The following DLGAP2 variants were observed in gnomAD, a reference collection of about 807,000 sequenced individuals.
DLGAP2 encodes disks large-associated protein 2.
In DLGAP2, 26 loss-of-function variants were observed where a neutral mutation model predicts 100.3. The ratio of observed to expected loss-of-function variants is 0.26; its 90% CI spans 0.19 to 0.36. The LOEUF is 0.36. Among genes scored for constraint, DLGAP2 ranks in the 10% least tolerant of loss-of-function variants. DLGAP2 has a pLI of 1.00. For missense variants in DLGAP2, 1,858 were observed against 1,453.2 expected (o/e 1.28, Z -4.53); for synonymous variants, 886 against 630.1 (o/e 1.41, Z -6.08).
At chr8:986,008 T>C (rs1231827141) in intron 2 of DLGAP2, among the ~76,000 whole-genome samples, 1 of 152,174 alleles carries the variant, frequency 6.6e-6, no homozygotes, top group African/African-American at 2.4e-5. Context: ...AAGAAGTTTC[T>C]GGAAACTCTT....
chr8:1,154,918 A>G (rs1796753775), intron 2 of DLGAP2, among the ~76,000 whole-genome samples: 1 of 152,182 alleles, frequency 6.6e-6, no homozygotes, highest in African/African-American at 2.4e-5. Context: ...GCCTACAGGA[A>G]CCATGTCTCT....
At position 1,164,127 on chromosome 8, in the gene DLGAP2, C is replaced by CGTTTTGGTTTGTGGGG. The variant is rs1563224059; in HGVS notation, c.74-94724_74-94723insGTTTTGGTTTGTGGGG. Among the ~76,000 whole-genome samples, 18 of 94,258 alleles carry CGTTTTGGTTTGTGGGG rather than the reference C, an allele frequency of 1.9e-4. 3 individuals carry two copies. The highest frequency in any genetic ancestry group is 2.9e-4 in the African/African-American group (7 of 24,196). 61.8% of individuals were successfully genotyped at this position (94,258 alleles called of 152,430 possible). ...TTTTCTGTGAGCCCGCAGGGCCCGT[C>CGTTTTGGTTTGTGGGG]ATTTTGGTTTGTGGGGATTTTTCTG... On this transcript the variant is annotated intron_variant, in intron 2 of 14. Coordinates refer to ENST00000637795, the MANE Select transcript of DLGAP2 (RefSeq NM_001346810.2).
chr8:951,055 A>C (rs1318642942), intron 2 of DLGAP2, among the ~76,000 whole-genome samples: 4 of 152,228 alleles, frequency 2.6e-5, no homozygotes, highest in Non-Finnish European at 5.9e-5. Flanking sequence ...AGACCATGTA[A>C]ATAGCATAAG....
At chr8:900,375 C>T (rs903825529) in intron 1 of DLGAP2, among the ~76,000 whole-genome samples, 9 of 149,526 alleles carry the variant, frequency 6.0e-5, no homozygotes, top group African/African-American at 2.2e-4. Context: ...GGGTTGCTCC[C>T]GGGCGGATGG....
intron 14 of DLGAP2, among the ~76,000 whole-genome samples, chr8:1,699,804 G>T (rs1237930382): frequency 6.6e-6 from 1 of 152,124 alleles, no homozygotes; most frequent in Non-Finnish European, 1.5e-5. Context: ...CTCCTACAGT[G>T]CCACACCCAC....
intron 4 of DLGAP2, among the ~76,000 whole-genome samples, chr8:1,528,621 C>A (rs2130446073): frequency 6.6e-6 from 1 of 152,378 alleles, no homozygotes; most frequent in Non-Finnish European, 1.5e-5. Flanking sequence ...CTGTCACCAC[C>A]TTCCGCCTGG....
intron 2 of DLGAP2, among the ~76,000 whole-genome samples, chr8:1,243,123 G>A (rs370235171): frequency 6.6e-6 from 1 of 152,100 alleles, no homozygotes; most frequent in Non-Finnish European, 1.5e-5. Context: ...TCCTTTGTGG[G>A]CGGTTACCCT....
intron 2 of DLGAP2, among the ~76,000 whole-genome samples, chr8:1,051,537 G>A (rs1436451572): frequency 6.6e-6 from 1 of 152,178 alleles, no homozygotes; most frequent in African/African-American, 2.4e-5. Context: ...AGAGTATTTT[G>A]TCAAAAAGAC....
chr8:1,371,815 C>T (rs1802245094), intron 3 of DLGAP2, among the ~76,000 whole-genome samples: 1 of 152,198 alleles, frequency 6.6e-6, no homozygotes, highest in Admixed American at 6.5e-5. Context: ...ACTGTCCACT[C>T]ACCCTGGAAG....
chr8:1,585,645 C>T (rs537730384), intron 6 of DLGAP2, among the ~76,000 whole-genome samples: 48 of 152,278 alleles, frequency 3.2e-4, no homozygotes, highest in African/African-American at 1.1e-3. Flanking sequence ...GCGAGCTCAC[C>T]ACAGGGAGAC....
At chr8:1,554,373 T>C (rs1288831545) in intron 5 of DLGAP2, among the ~76,000 whole-genome samples, 1 of 152,212 alleles carries the variant, frequency 6.6e-6, no homozygotes, top group Admixed American at 6.5e-5. Flanking sequence ...TGCTTCTTTC[T>C]GCCCGATCTG....
chr8:1,050,491 T>G (rs1057384487), intron 2 of DLGAP2, among the ~76,000 whole-genome samples: 6 of 152,132 alleles, frequency 3.9e-5, no homozygotes, highest in African/African-American at 1.4e-4. Flanking sequence ...GTGGATTAGG[T>G]GTATTAAATG....
chr8:1,146,749 C>A (rs928503443), intron 2 of DLGAP2, among the ~76,000 whole-genome samples: 2 of 152,164 alleles, frequency 1.3e-5, no homozygotes, highest in Admixed American at 6.5e-5. Context: ...TGGCCCAGTA[C>A]CAGCTATTGA....
At chr8:764,161 C>A (rs1821152793) in intron 1 of DLGAP2, among the ~76,000 whole-genome samples, 1 of 152,186 alleles carries the variant, frequency 6.6e-6, no homozygotes, top group African/African-American at 2.4e-5. Flanking sequence ...TGGGCCAGGG[C>A]TCAGCACCGT....
intron 3 of DLGAP2, among the ~76,000 whole-genome samples, chr8:1,277,790 C>G (rs1192887280): frequency 6.6e-6 from 1 of 152,170 alleles, no homozygotes; most frequent in African/African-American, 2.4e-5. Flanking sequence ...TGAAACCTCA[C>G]CTTTCTCCGC....
intron 2 of DLGAP2, among the ~76,000 whole-genome samples, chr8:944,585 G>C (rs538766137): frequency 3.9e-5 from 6 of 152,270 alleles, no homozygotes; most frequent in Non-Finnish European, 8.8e-5. Flanking sequence ...ATCCCTGCAG[G>C]TGACTCAGTG....
At position 1,559,749 on chromosome 8, in the gene DLGAP2, G is replaced by C. The variant is rs532866686; in HGVS notation, c.1231-5934G>C. On this transcript the variant is annotated intron_variant, in intron 5 of 14. Transcript: ENST00000637795. ...TTCCATCTGCCACCAGCCAGCCTCA[G>C]CCTCCCTTCCCGAACTGAGCTTTTC... Among the ~76,000 whole-genome samples, 6 of 152,346 alleles carry C rather than the reference G, an allele frequency of 3.9e-5. No individual in the cohort carries two copies. The South Asian group carries it at 6.2e-4, about 16-fold the overall frequency.
chr8:924,541 G>C (rs762874814), intron 2 of DLGAP2, among the ~76,000 whole-genome samples: 1 of 152,028 alleles, frequency 6.6e-6, no homozygotes, highest in South Asian at 2.1e-4. Flanking sequence ...CAGAAACTTC[G>C]GGAAGCTGGC....
chr8:1,460,535 G>C (rs1057454248), intron 3 of DLGAP2, among the ~76,000 whole-genome samples: 1 of 152,182 alleles, frequency 6.6e-6, no homozygotes, highest in African/African-American at 2.4e-5. Flanking sequence ...AGCCACAGTG[G>C]ATCACAGCAG....
Sources: allele counts gnomAD v4.1 joint callset (sites outside exome capture counted in the v4.1 genomes callset), GRCh38; gene constraint gnomAD v4.1.1; transcripts MANE v1.5; gene names NCBI Gene and HGNC (gene_info 2026-07-23, HGNC 2026-07-21).